Variants in ANKRD12 observed in about 807,000 individuals in gnomAD.
ANKRD12 encodes the protein ankyrin repeat domain 12, also known as ankyrin repeat domain-containing protein 12.
In ANKRD12, 85 loss-of-function variants were observed where a neutral mutation model predicts 183.4. That is an observed-to-expected ratio of 0.46 (90% CI 0.39 to 0.56). The LOEUF (loss-of-function observed/expected upper bound fraction) is 0.56, where lower values mean the gene tolerates loss of function less well. Ranked by LOEUF, ANKRD12 falls within the 20% of genes least tolerant of loss-of-function variation. The pLI is 0.00. For synonymous variants in ANKRD12, 914 were observed against 800.2 expected, an observed-to-expected ratio of 1.14 and a Z score of -2.40; for missense variants, 2,405 against 2,357.1, an observed-to-expected ratio of 1.02 and a Z score of -0.42.
chr18:9,144,252 TATA>T (rs2078418557), intron 1 of ANKRD12, among the ~76,000 whole-genome samples: 2 of 152,186 alleles, frequency 1.3e-5, no homozygotes, highest in African/African-American at 4.8e-5. Flanking sequence ...GTTTAAAGAT[TATA>T]ATAAAAAGGT....
intron 11 of ANKRD12, among the ~76,000 whole-genome samples, chr18:9,277,619 G>A (rs995861971): frequency 1.3e-5 from 2 of 151,890 alleles, no homozygotes; most frequent in South Asian, 2.1e-4. Context: ...GAGCCACCGC[G>A]CCCGGCCGAC....
At chr18:9,182,862 C>G (rs908308822) in intron 2 of ANKRD12, among the ~76,000 whole-genome samples, 2 of 152,172 alleles carry the variant, frequency 1.3e-5, no homozygotes, top group Non-Finnish European at 2.9e-5. Flanking sequence ...ACCCTCAGAA[C>G]CTTCGTTTGG....
At chr18:9,145,306 T>C (rs2078456704) in intron 1 of ANKRD12, among the ~76,000 whole-genome samples, 1 of 152,192 alleles carries the variant, frequency 6.6e-6, no homozygotes, top group South Asian at 2.1e-4. Flanking sequence ...AGTGAAGTTT[T>C]AAACATTTAC....
intron 2 of ANKRD12, among the ~76,000 whole-genome samples, chr18:9,187,680 TC>T (rs1276822525): frequency 1.3e-5 from 2 of 152,180 alleles, no homozygotes; most frequent in South Asian, 2.1e-4. Context: ...TGTGGTCTTT[TC>T]CCCCCATTGA....
chr18:9,227,191 C>T (rs2144814567), intron 8 of ANKRD12, among the ~76,000 whole-genome samples: 1 of 151,858 alleles, frequency 6.6e-6, no homozygotes, highest in East Asian at 1.9e-4. Context: ...AATATATATA[C>T]ATATATATAG....
chr18:9,146,430 C>T (rs1279888117), intron 1 of ANKRD12, among the ~76,000 whole-genome samples: 1 of 152,184 alleles, frequency 6.6e-6, no homozygotes, highest in East Asian at 1.9e-4. Context: ...CACCTGCAAT[C>T]CCATCACTGT....
At chr18:9,240,463 A>C (rs1455930989) in intron 8 of ANKRD12, among the ~76,000 whole-genome samples, 1 of 152,248 alleles carries the variant, frequency 6.6e-6, no homozygotes, top group East Asian at 1.9e-4. Flanking sequence ...ATAAACCATA[A>C]TCGTGGAAAT....
chr18:9,245,751 C>A (rs2037925405), intron 8 of ANKRD12, among the ~76,000 whole-genome samples: 3 of 152,030 alleles, frequency 2.0e-5, no homozygotes. Context: ...ATACTTTGTT[C>A]TAGAGCCTAG....
At chr18:9,234,779 C>T (rs1443137325) in intron 8 of ANKRD12, among the ~76,000 whole-genome samples, 1 of 152,124 alleles carries the variant, frequency 6.6e-6, no homozygotes. Flanking sequence ...TGGTGCAATG[C>T]TTGTGCAGGG....
In ANKRD12 at chr18:9,157,550, G is replaced by T. The variant is rs1033379229; in HGVS notation, c.-52+20585G>T. 4.0e-3 allele frequency among the ~76,000 whole-genome samples: 461 copies of T among 114,598 alleles called. 3 individuals are homozygous for T. The highest frequency in any genetic ancestry group is 6.3e-3 in the Non-Finnish European group (381 of 60,246). 75.2% of individuals were successfully genotyped at this position (114,598 alleles called of 152,430 possible). A position where few individuals can be genotyped will look rare whatever the true frequency, so the allele number is the denominator to read the frequency against. The stretch of plus-strand genomic sequence containing the variant: ...AATGGTAAATTTTATGGTGTGTGTG[G>T]GTGTGTGTGTGTGTGTGTGTGTGTG... On this transcript the variant is annotated intron_variant, in intron 1 of 12. Coordinates refer to ENST00000262126, the MANE Select transcript of ANKRD12 (RefSeq NM_015208.5).
rs182582416 is a variant in ANKRD12 at position 9,260,453 on chromosome 18, A to G, written c.5664+1522A>G. On this transcript the variant is annotated intron_variant, in intron 9 of 12. Transcript: ENST00000262126. ...ATCATAATTTAATCAAAATGCTGCC[A>G]TTTTTCCAGAGGAAATCAAGGGGAG... 211 of 152,306 alleles carry G rather than the reference A, an allele frequency of 1.4e-3. 1 individual carries two copies. Among genetic ancestry groups the G allele is most frequent in the African/African-American group, 4.9e-3 (205 of 41,576 alleles). 9.4% of individuals were successfully genotyped at this position (152,306 alleles called of 1,614,324 possible).
At chr18:9,222,739 G>A (rs570481035) in intron 8 of ANKRD12, among the ~76,000 whole-genome samples, 91 of 152,156 alleles carry the variant, frequency 6.0e-4, no homozygotes, top group African/African-American at 2.1e-3. Flanking sequence ...GAAGGCAATG[G>A]ATCATTTATA....
intron 8 of ANKRD12, among the ~76,000 whole-genome samples, chr18:9,234,730 C>T (rs8086261): frequency 0.01 from 1,580 of 152,096 alleles, 22 homozygotes; most frequent in African/African-American, 0.036. Context: ...GTACCAGAGG[C>T]GGGGAAAGGG....
Position 9,281,281 on chromosome 18 carries a change from AAAT to A in ANKRD12, c.*156_*158del. 1.8e-6 allele frequency: 1 copy of A among 551,616 alleles called. No individual in the cohort carries two copies. The highest frequency in any genetic ancestry group is 3.1e-6 in the Non-Finnish European group (1 of 326,378). 34.2% of individuals were successfully genotyped at this position (551,616 alleles called of 1,614,324 possible). ...GTAGTAAACACTGTCATTTTATAAA[AAAT>A]GAGAATTATTTTGGATCTTAGATCC... On this transcript the variant is annotated 3_prime_UTR_variant, in exon 13 of 13. Coordinates refer to ENST00000262126, the MANE Select transcript of ANKRD12 (RefSeq NM_015208.5).
chr18:9,277,791 C>T (rs1303002042), intron 11 of ANKRD12, among the ~76,000 whole-genome samples: 1 of 132,164 alleles, frequency 7.6e-6, no homozygotes, highest in Non-Finnish European at 1.7e-5. Flanking sequence ...TCAAATACAG[C>T]AGAGTTGAGG....
At chr18:9,188,944 C>A (rs2034282891) in intron 2 of ANKRD12, among the ~76,000 whole-genome samples, 3 of 152,138 alleles carry the variant, frequency 2.0e-5, no homozygotes, top group Admixed American at 1.3e-4. Context: ...TCTAAGTATT[C>A]AAGTGAAGAG....
intron 8 of ANKRD12, among the ~76,000 whole-genome samples, chr18:9,249,008 C>T (rs2038127203): frequency 6.6e-6 from 1 of 152,204 alleles, no homozygotes; most frequent in African/African-American, 2.4e-5. Context: ...TCTCTTATCC[C>T]ACCATAAGCA....
chr18:9,191,152 T>G (rs567016462), intron 2 of ANKRD12, among the ~76,000 whole-genome samples: 1 of 152,222 alleles, frequency 6.6e-6, no homozygotes. Context: ...TTGCCAGTTA[T>G]TGGGAAAATA....
At chr18:9,209,297 A>T (rs560542438) in intron 5 of ANKRD12, among the ~76,000 whole-genome samples, 2 of 152,336 alleles carry the variant, frequency 1.3e-5, no homozygotes, top group East Asian at 3.9e-4. Context: ...GGCCTGAGAT[A>T]GTTATTACTA....
Sources: allele counts gnomAD v4.1 joint callset (sites outside exome capture counted in the v4.1 genomes callset), GRCh38; gene constraint gnomAD v4.1.1; transcripts MANE v1.5; gene names NCBI Gene and HGNC (gene_info 2026-07-23, HGNC 2026-07-21).